PPL: variants seen among roughly 807,000 people sequenced by gnomAD.
The protein encoded by PPL is 190 kDa paraneoplastic pemphigus antigen.
Under a neutral mutation model 194.4 loss-of-function variants are expected in PPL, and 198 were observed. That is an observed-to-expected ratio of 1.02 (90% CI 0.91 to 1.15). The LOEUF is 1.15. Among genes scored for constraint, PPL ranks in the 50% most tolerant of loss-of-function variants. The pLI is 0.00. For synonymous variants in PPL, 1,220 were observed against 972.4 expected, an observed-to-expected ratio of 1.25 and a Z score of -4.74; for missense variants, 2,885 against 2,294.8, an observed-to-expected ratio of 1.26 and a Z score of -5.25.
In PPL at chr16:4,899,372, C is replaced by A. The variant is rs139694135; in HGVS notation, c.619G>T (p.Ala207Ser). 1.9e-6 allele frequency: 3 copies of A among 1,607,370 alleles called. No individual in the cohort carries two copies. The highest frequency in any genetic ancestry group is 2.5e-6 in the Non-Finnish European group (3 of 1,176,574). ...KYQKLLAASQ[A>S]RQQHLSSLQD... The stretch of plus-strand genomic sequence containing the variant: ...AGCGAACTCAGGTGCTGCTGCCGGG[C>A]CTGTGATGCTGCCTGAAGGGGCCGG... The change falls in exon 7 of 22, where the codon GCC becomes TCC. Residue 207 changes from alanine to serine, a missense_variant. By Grantham distance (99) the Ala-to-Ser change is moderately conservative. Coordinates refer to ENST00000345988, the MANE Select transcript of PPL (RefSeq NM_002705.5).
At chr16:4,910,676 A>G (rs1596568631) in intron 2 of PPL, among the ~76,000 whole-genome samples, 174 bp downstream of exon 2, 1 of 152,044 alleles carries the variant, frequency 6.6e-6, no homozygotes, top group Non-Finnish European at 1.5e-5. Context: ...CCCCTCCCCA[A>G]CTGGACGCCA....
At chr16:4,927,593 T>A (rs1277269179) in intron 1 of PPL, among the ~76,000 whole-genome samples, 1 of 152,246 alleles carries the variant, frequency 6.6e-6, no homozygotes, top group Non-Finnish European at 1.5e-5. Flanking sequence ...ATGTGCCCAA[T>A]GAATACCAGA....
chr16:4,933,026 G>A (rs960459293), intron 1 of PPL, among the ~76,000 whole-genome samples: 1 of 150,510 alleles, frequency 6.6e-6, no homozygotes, highest in African/African-American at 2.5e-5. Context: ...TTTTGAGACA[G>A]AGTCTCACTC....
In PPL at chr16:4,902,607, GC is replaced by G; in HGVS notation, c.318-82del. ...GGAGGGGCCCCCCACCCAGACCCCG[GC>G]CTCAGTGTCCTGGAAGGACACAGTG... On this transcript the variant is annotated intron_variant, in intron 3 of 21. Coordinates refer to ENST00000345988, the MANE Select transcript of PPL (RefSeq NM_002705.5). This position sits in a 1 kb window ranked among gnomAD's most constrained non-coding sequence, Gnocchi z 4.0. 6.6e-7 allele frequency: 1 copy of G among 1,522,010 alleles called. No individual in the cohort carries two copies. 94.3% of individuals were successfully genotyped at this position (1,522,010 alleles called of 1,614,324 possible). A position where few individuals can be genotyped will look rare whatever the true frequency, so the allele number is the denominator to read the frequency against.
chr16:4,884,623 C>T lies in PPL; in HGVS notation c.4032G>A (p.Ser1344=), dbSNP rs755210141. 2.5e-5 allele frequency: 40 copies of T among 1,614,044 alleles called. No homozygotes were observed. The highest frequency in any genetic ancestry group is 1.3e-4 in the East Asian group (6 of 44,864). ...EQIARKEEEL[S]RVKERVVQQE... is the part of the protein sequence containing the mutation. ...GCTGCACCACCCTTTCCTTCACCCG[C>T]GAGAGCTCCTCCTCTTTCCGGGCGA... The change falls in exon 22 of 22, where the codon TCG becomes TCA. Residue 1344 remains serine, a synonymous_variant. Transcript: ENST00000345988. This position sits in a 1 kb window ranked among gnomAD's most constrained non-coding sequence, Gnocchi z 5.7.
chr16:4,924,119 C>G (rs1177081111), intron 1 of PPL, among the ~76,000 whole-genome samples: 2 of 152,174 alleles, frequency 1.3e-5, no homozygotes, highest in South Asian at 4.1e-4. Context: ...GCAAGGCCAG[C>G]ACTGTTCAAC....
chr16:4,902,309 A>T lies in PPL; in HGVS notation c.438+97T>A. 2 of 1,538,462 alleles carry T rather than the reference A, an allele frequency of 1.3e-6. No individual in the cohort carries two copies. The highest frequency in any genetic ancestry group is 1.8e-6 in the Non-Finnish European group (2 of 1,137,586). On this transcript the variant is annotated intron_variant, in intron 4 of 21. Coordinates refer to ENST00000345988, the MANE Select transcript of PPL (RefSeq NM_002705.5). The surrounding 1 kb of genome is among the most constrained non-coding windows in gnomAD (Gnocchi z 4.0). ...GGACCACGACTGTCTCCCTGGTAAG[A>T]CCCGGGATGCCCATTACATGGGTAG...
At chr16:4,931,060 G>C (rs2089219511) in intron 1 of PPL, among the ~76,000 whole-genome samples, 1 of 152,122 alleles carries the variant, frequency 6.6e-6, no homozygotes, top group Admixed American at 6.6e-5. Context: ...GGGAGAAGTG[G>C]GGATCCATTT....
intron 9 of PPL, among the ~76,000 whole-genome samples, chr16:4,896,522 G>C (rs975593010): frequency 6.6e-6 from 1 of 152,022 alleles, no homozygotes; most frequent in Non-Finnish European, 1.5e-5. Flanking sequence ...CTTCATATTC[G>C]TTCTAGGTGT....
At position 4,893,285 on chromosome 16, in the gene PPL, T is replaced by C. The variant is rs983981223; in HGVS notation, c.1578A>G (p.Thr526=). 10 of 1,603,528 alleles carry C rather than the reference T, an allele frequency of 6.2e-6. No homozygotes were observed. Among genetic ancestry groups the C allele is most frequent in the Admixed American group, 3.4e-5 (2 of 59,448 alleles). The stretch of plus-strand genomic sequence containing the variant: ...GCTCCAGTGGTGGCCGCAGGATCCC[T>C]GTGATGGCCTTCTCCTGCCGGTCCA... ...SDLDRQEKAI[T]GILRPPLEQG... Residue 526 remains threonine, a synonymous_variant, in exon 14 of 22, where the codon ACA becomes ACG. Coordinates refer to ENST00000345988, the MANE Select transcript of PPL (RefSeq NM_002705.5).
chr16:4,900,567 G>A (rs575192329), intron 6 of PPL, among the ~76,000 whole-genome samples: 16 of 149,430 alleles, frequency 1.1e-4, no homozygotes, highest in South Asian at 4.3e-4. Context: ...AGCCTCCCAA[G>A]TAGCTGGGAC....
chr16:4,914,381 ACCTACCGGAG>A (rs2088878554), intron 1 of PPL, among the ~76,000 whole-genome samples: 1 of 152,160 alleles, frequency 6.6e-6, no homozygotes, highest in Non-Finnish European at 1.5e-5. Context: ...GTACCTGGAC[ACCTACCGGAG>A]TCATGGACCA....
At chr16:4,924,830 G>A (rs1762747372) in intron 1 of PPL, among the ~76,000 whole-genome samples, 1 of 152,224 alleles carries the variant, frequency 6.6e-6, no homozygotes, top group African/African-American at 2.4e-5. Flanking sequence ...TCTCCAGGCT[G>A]CGAGAGCAGC....
intron 2 of PPL, among the ~76,000 whole-genome samples, chr16:4,910,252 A>C (rs1324891739): frequency 6.6e-6 from 1 of 152,192 alleles, no homozygotes; most frequent in Admixed American, 6.5e-5. Context: ...GTGGAGAAAG[A>C]CCTGCACCCT....
At position 4,895,263 on chromosome 16, in the gene PPL, G is replaced by A; in HGVS notation, c.1240C>T (p.Gln414Ter). Residue 414 changes from glutamine to a stop codon, truncating the protein, a stop_gained and splice_region_variant, in exon 11 of 22, where the codon CAG becomes TAG. Coordinates refer to ENST00000345988, the MANE Select transcript of PPL (RefSeq NM_002705.5). LOFTEE classifies it high-confidence loss of function. ...VEALCDFEGE[Q>*]GLISRGYSYT... is the part of the protein sequence containing the mutation. ...ACAGAGGAGCTGGCCCCACGCACCT[G>A]CTCCCCCTCAAAGTCACAGAGTGCC... 5 of 1,602,020 alleles carry A rather than the reference G, an allele frequency of 3.1e-6. No homozygotes were observed. Among genetic ancestry groups the A allele is most frequent in the Non-Finnish European group, 4.3e-6 (5 of 1,173,456 alleles).
chr16:4,894,768 A>C (rs766810125), intron 11 of PPL, 150 bp from the exon 12 acceptor site: 1 of 898,796 alleles, frequency 1.1e-6, no homozygotes, highest in Admixed American at 2.9e-5. Context: ...CATGCAGGAG[A>C]AGCACATGTG....
intron 1 of PPL, among the ~76,000 whole-genome samples, chr16:4,921,621 C>G (rs565602433): frequency 4.6e-5 from 7 of 152,270 alleles, no homozygotes; most frequent in African/African-American, 1.7e-4. Context: ...CATGCACCAC[C>G]ACGCCCGGCT....
chr16:4,921,557 C>T (rs1284164521), intron 1 of PPL, among the ~76,000 whole-genome samples: 1 of 152,162 alleles, frequency 6.6e-6, no homozygotes, highest in Non-Finnish European at 1.5e-5. Context: ...ACCTCTGCCT[C>T]CTGGGTTCAA....
At position 4,884,427 on chromosome 16, in the gene PPL, G is replaced by C. The variant is rs191710223; in HGVS notation, c.4228C>G (p.Arg1410Gly). The change falls in exon 22 of 22, where the codon CGG (arginine) becomes GGG (glycine). Residue 1410 changes from arginine to glycine, a missense_variant. Arg to Gly is a moderately radical substitution (Grantham distance 125). Transcript: ENST00000345988. The surrounding 1 kb of genome is among the most constrained non-coding windows in gnomAD (Gnocchi z 5.7). ...ERQLEELERERQARREAEREV... is the reference protein window; with the variant it reads ...ERQLEELEREGQARREAEREV... ...CGCTCGGCCTCCCTGCGGGCCTGCC[G>C]CTCGCGCTCTAGCTCCTCCAGCTGC... is the stretch of plus-strand genomic sequence containing the variant. 9 of 1,602,980 alleles carry C rather than the reference G, an allele frequency of 5.6e-6. No individual in the cohort carries two copies. The highest frequency in any genetic ancestry group is 5.1e-6 in the Non-Finnish European group (6 of 1,177,338).
Sources: gnomAD v4.1 joint callset for allele counts (sites outside exome capture counted in the v4.1 genomes callset) on GRCh38, gnomAD v4.1.1 for gene constraint, Gnocchi (gnomAD v3.1) non-coding constraint, MANE v1.5 for transcripts, NCBI Gene and HGNC (gene_info 2026-07-23, HGNC 2026-07-21) for gene names.